NBAS: variants seen among roughly 807,000 people sequenced by gnomAD.
The protein encoded by NBAS is NBAS subunit of NRZ tethering complex.
Under a neutral mutation model 302.5 loss-of-function variants are expected in NBAS, and 219 were observed. That is an observed-to-expected ratio of 0.72 (90% CI 0.65 to 0.81). The LOEUF (loss-of-function observed/expected upper bound fraction) is 0.81. Ranked by LOEUF, NBAS falls within the 30% of genes least tolerant of loss-of-function variation. NBAS has a pLI of 0.00. For missense variants in NBAS, 2,932 were observed against 2,841.6 expected, an observed-to-expected ratio of 1.03 and a Z score of -0.72; for synonymous variants, 1,118 against 1,021.6, an observed-to-expected ratio of 1.09 and a Z score of -1.80.
the NBAS span, among the ~76,000 whole-genome samples, chr2:15,013,745 C>A: frequency 6.6e-6 from 1 of 152,126 alleles, no homozygotes; most frequent in Admixed American, 6.6e-5. Flanking sequence ...GATCACACCA[C>A]TGCACACCCT....
In NBAS at chr2:15,225,655, G is replaced by A. The variant is rs558864967; in HGVS notation, c.6237-6687C>T. ...CAGCTGAAGCTGAGACTGTGGTGAA[G>A]TAGCAATTTAAACAATCAAACCCCC... On this transcript the variant is annotated intron_variant, in intron 47 of 51. Transcript: ENST00000281513. Among the ~76,000 whole-genome samples the A allele has an allele frequency of 9.8e-5, 15 of 152,286 alleles. No individual in the cohort carries two copies. In the South Asian group the frequency reaches 2.5e-3, roughly 25 times the overall value.
chr2:15,411,187 G>A (rs1676669882), intron 25 of NBAS, among the ~76,000 whole-genome samples: 1 of 152,098 alleles, frequency 6.6e-6, no homozygotes, highest in Non-Finnish European at 1.5e-5. Context: ...CAGCTGACCA[G>A]GTCACTCATG....
the NBAS span, among the ~76,000 whole-genome samples, chr2:15,125,292 TA>T: frequency 2.6e-5 from 4 of 152,278 alleles, no homozygotes; most frequent in Middle Eastern, 0.01. Context: ...CATCAGCTTC[TA>T]GGGGGGCCTC....
chr2:15,347,022 G>A (rs896937230), intron 35 of NBAS, among the ~76,000 whole-genome samples: 1 of 151,984 alleles, frequency 6.6e-6, no homozygotes, highest in Non-Finnish European at 1.5e-5. Flanking sequence ...GAGAGGAGAG[G>A]AAACTTAGAT....
chr2:14,980,407 T>TAC, the NBAS span, among the ~76,000 whole-genome samples: 3 of 152,138 alleles, frequency 2.0e-5, no homozygotes, highest in Non-Finnish European at 4.4e-5. Flanking sequence ...AGACAGCCAT[T>TAC]ACCCCAGACA....
At chr2:15,494,166 C>T in intron 11 of NBAS, among the ~76,000 whole-genome samples, 1 of 152,194 alleles carries the variant, frequency 6.6e-6, no homozygotes, top group Non-Finnish European at 1.5e-5. Flanking sequence ...ATTTCTTTCA[C>T]ATTCCTCGTT....
intron 12 of NBAS, among the ~76,000 whole-genome samples, chr2:15,480,688 C>G (rs1218366370): frequency 6.6e-6 from 1 of 151,946 alleles, no homozygotes; most frequent in Non-Finnish European, 1.5e-5. Flanking sequence ...AATACAGAGT[C>G]AGGAAAATAC....
rs191475838 is a variant in NBAS, at chr2:15,208,014, G to A, written c.6432+10759C>T. On this transcript the variant is annotated intron_variant, in intron 48 of 51. Transcript: ENST00000281513. ...AGTTGTAAATATATATGCACCCAAT[G>A]CTTGAGCACCCAGATATATATAAAG... 2.4e-3 allele frequency among the ~76,000 whole-genome samples: 347 copies of A among 146,964 alleles called. 11 individuals are homozygous for A. Among genetic ancestry groups the A allele is most frequent in the Non-Finnish European group, 3.0e-5 (2 of 67,474 alleles).
chr2:15,440,019 G>T (rs182383978), intron 21 of NBAS, among the ~76,000 whole-genome samples: 1 of 152,244 alleles, frequency 6.6e-6, no homozygotes, highest in Non-Finnish European at 1.5e-5. Context: ...CGAACTGGGC[G>T]GAGCCCACCA....
chr2:14,979,830 C>A, the NBAS span, among the ~76,000 whole-genome samples: 2 of 152,086 alleles, frequency 1.3e-5, no homozygotes, highest in African/African-American at 2.4e-5. Context: ...CTGGTTAGTG[C>A]GTTAGGAAAA....
the NBAS span, among the ~76,000 whole-genome samples, chr2:14,863,182 T>C: frequency 6.6e-6 from 1 of 152,222 alleles, no homozygotes; most frequent in Non-Finnish European, 1.5e-5. Flanking sequence ...GGATTAAATT[T>C]GCTAGGAAAG....
At chr2:15,544,112 C>T (rs1318832971) in intron 6 of NBAS, among the ~76,000 whole-genome samples, 1 of 152,166 alleles carries the variant, frequency 6.6e-6, no homozygotes, top group Non-Finnish European at 1.5e-5. Flanking sequence ...GTCTCAGTTT[C>T]CTCATTTTCA....
intron 16 of NBAS, 50 bp from the exon 17 acceptor site, chr2:15,468,583 C>T (rs1181794669): frequency 3.2e-6 from 5 of 1,576,134 alleles, no homozygotes; most frequent in Middle Eastern, 1.7e-4. Flanking sequence ...TGACATCTTA[C>T]AACACATTAC....
chr2:15,099,410 CA>C, the NBAS span, among the ~76,000 whole-genome samples: 18 of 152,032 alleles, frequency 1.2e-4, no homozygotes, highest in African/African-American at 3.6e-4. Context: ...CTACAATGGA[CA>C]TATGTAATTT....
At chr2:15,065,774 T>C in the NBAS span, among the ~76,000 whole-genome samples, 2 of 152,128 alleles carry the variant, frequency 1.3e-5, no homozygotes, top group African/African-American at 2.4e-5. Flanking sequence ...TGCTACATGT[T>C]TATGGATTGG....
the NBAS span, among the ~76,000 whole-genome samples, chr2:15,093,214 G>A: frequency 6.6e-6 from 1 of 152,254 alleles, no homozygotes; most frequent in South Asian, 2.1e-4. Flanking sequence ...TCAGGAGTTT[G>A]AGACAAGCCT....
At chr2:15,493,865 C>T (rs1222407155) in intron 11 of NBAS, among the ~76,000 whole-genome samples, 4 of 136,786 alleles carry the variant, frequency 2.9e-5, no homozygotes, top group Admixed American at 8.0e-5. Flanking sequence ...GAGTCACTGT[C>T]TCCCATGCCG....
intron 21 of NBAS, 131 bp from the exon 22 acceptor site, chr2:15,427,925 G>A (rs1677560325): frequency 1.4e-6 from 1 of 719,462 alleles, no homozygotes. Context: ...ATTTTAAGTG[G>A]TACAGGATAC....
intron 44 of NBAS, among the ~76,000 whole-genome samples, chr2:15,240,926 A>C (rs1253983904): frequency 6.6e-6 from 1 of 151,724 alleles, no homozygotes; most frequent in Non-Finnish European, 1.5e-5. Context: ...TCAACAGACC[A>C]CCCCTCCCTT....
Sources: gnomAD v4.1 joint callset for allele counts (sites outside exome capture counted in the v4.1 genomes callset) on GRCh38, gnomAD v4.1.1 for gene constraint, MANE v1.5 for transcripts, NCBI Gene and HGNC (gene_info 2026-07-23, HGNC 2026-07-21) for gene names.